Variants in MAP3K13 observed in about 807,000 individuals in gnomAD.
MAP3K13 encodes the protein mitogen-activated protein kinase kinase kinase 13, also known as leucine zipper-bearing kinase.
Under a neutral mutation model 104.0 loss-of-function variants are expected in MAP3K13, and 52 were observed. The ratio of observed to expected loss-of-function variants is 0.50; its 90% CI spans 0.40 to 0.63. The LOEUF (loss-of-function observed/expected upper bound fraction) is 0.63, where lower values mean the gene tolerates loss of function less well. MAP3K13 is among the 20% of genes least tolerant of loss of function. The pLI is 0.00. For synonymous variants in MAP3K13, 394 were observed against 442.2 expected, an observed-to-expected ratio of 0.89 and a Z score of 1.37; for missense variants, 914 against 1,218.5, an observed-to-expected ratio of 0.75 and a Z score of 3.72.
In MAP3K13 at chr3:185,428,739, G is replaced by A. The variant is rs35961174; in HGVS notation, c.158G>A (p.Arg53Gln). The change falls in exon 2 of 14, where the codon CGA (arginine) becomes CAA (glutamine). Residue 53 changes from arginine (R) to glutamine (Q), a missense_variant. Around this residue, in one of 3 missense-constraint regions of MAP3K13, gnomAD observed 156 missense variants for 159.8 expected, o/e 0.98. Coordinates refer to ENST00000265026, the MANE Select transcript of MAP3K13 (RefSeq NM_004721.5). ...GACCAGCAGGAAAAGGGGATGGTAC[G>A]AACAGAGCTAATCGAGAGCGTGCAC... ...LEDQQEKGMV[R>Q]TELIESVHSP... 1.5e-5 allele frequency: 25 copies of A among 1,614,152 alleles called. No homozygotes were observed. The East Asian group carries it at 2.5e-4, about 16-fold the overall frequency.
At chr3:185,373,358 C>CA (rs1724251163) in intron 1 of MAP3K13, among the ~76,000 whole-genome samples, 1 of 152,170 alleles carries the variant, frequency 6.6e-6, no homozygotes, top group Non-Finnish European at 1.5e-5. Context: ...AAAAACTACT[C>CA]AATGTTTTTC....
intron 1 of MAP3K13, among the ~76,000 whole-genome samples, chr3:185,373,855 C>G (rs1427264125): frequency 8.0e-6 from 1 of 125,002 alleles, no homozygotes; most frequent in African/African-American, 3.4e-5. Flanking sequence ...TTTTGAGCAA[C>G]AGCGGCTGTT....
intron 7 of MAP3K13, among the ~76,000 whole-genome samples, chr3:185,456,886 C>T (rs1716787088): frequency 6.6e-6 from 1 of 152,142 alleles, no homozygotes; most frequent in Admixed American, 6.5e-5. Context: ...CAGGTGTGAG[C>T]CACCGTGCAC....
At chr3:185,310,915 A>G (rs1014535450) in intron 2 of MAP3K13, among the ~76,000 whole-genome samples, 1 of 152,106 alleles carries the variant, frequency 6.6e-6, no homozygotes, top group African/African-American at 2.4e-5. Context: ...TTCAATATTC[A>G]CAGTGATAAG....
At chr3:185,469,607 C>T (rs975169838) in intron 10 of MAP3K13, among the ~76,000 whole-genome samples, 1 of 152,202 alleles carries the variant, frequency 6.6e-6, no homozygotes, top group Non-Finnish European at 1.5e-5. Flanking sequence ...CATGCTAAGA[C>T]AAGTCCTTAA....
rs1718804832 is a variant in MAP3K13, at chr3:185,488,061, T to C, written c.*5605T>C. The stretch of plus-strand genomic sequence containing the variant: ...CACTGATGGATCCCATTCCAAAATG[T>C]CTCTTCATTCACATCATTTAATTCT... On this transcript the variant is annotated 3_prime_UTR_variant, in exon 14 of 14. Transcript: ENST00000265026. 1 of 152,232 alleles carries C rather than the reference T, an allele frequency of 6.6e-6. No homozygotes were observed. The highest frequency in any genetic ancestry group is 1.9e-4 in the East Asian group (1 of 5,200). 9.4% of individuals were successfully genotyped at this position (152,232 alleles called of 1,614,324 possible). A position where few individuals can be genotyped will look rare whatever the true frequency, so the allele number is the denominator to read the frequency against.
intron 1 of MAP3K13, among the ~76,000 whole-genome samples, chr3:185,365,372 AAGTC>A (rs1440029038): frequency 3.3e-5 from 5 of 152,228 alleles, no homozygotes; most frequent in Non-Finnish European, 5.9e-5. Context: ...TTAGTAAACA[AAGTC>A]AGTCAAACCA....
intron 4 of MAP3K13, 47 bp from the exon 5 acceptor site, chr3:185,447,741 TC>T: frequency 7.1e-7 from 1 of 1,412,946 alleles, no homozygotes; most frequent in Non-Finnish European, 9.7e-7. Flanking sequence ...ATCATGGTTT[TC>T]GTTAGTACTA....
chr3:185,319,496 A>C (rs2108693102), intron 2 of MAP3K13, among the ~76,000 whole-genome samples: 1 of 152,362 alleles, frequency 6.6e-6, no homozygotes, highest in East Asian at 1.9e-4. Flanking sequence ...GCTGAGTTCC[A>C]TATCTGGGCA....
chr3:185,290,811 C>T (rs1720704816), intron 2 of MAP3K13, among the ~76,000 whole-genome samples: 1 of 152,088 alleles, frequency 6.6e-6, no homozygotes, highest in African/African-American at 2.4e-5. Flanking sequence ...TAAATATTAG[C>T]TGCTATTATT....
intron 1 of MAP3K13, among the ~76,000 whole-genome samples, chr3:185,375,157 T>C (rs900638772): frequency 1.3e-5 from 2 of 152,186 alleles, no homozygotes; most frequent in Non-Finnish European, 2.9e-5. Flanking sequence ...CGAGGAATTA[T>C]GTCTGACAGA....
chr3:185,428,012 G>C (rs1327737427), intron 1 of MAP3K13, among the ~76,000 whole-genome samples: 2 of 151,622 alleles, frequency 1.3e-5, no homozygotes, highest in African/African-American at 2.4e-5. Context: ...CTGGGAAGCG[G>C]AGGTTGCAGT....
At chr3:185,380,507 C>T (rs1286272496) in intron 1 of MAP3K13, among the ~76,000 whole-genome samples, 1 of 103,046 alleles carries the variant, frequency 9.7e-6, no homozygotes, top group Admixed American at 1.2e-4. Flanking sequence ...GAGACTCCAT[C>T]TCAAAAAAAA....
At chr3:185,310,413 ACCCAGAC>A (rs1453559196) in intron 2 of MAP3K13, among the ~76,000 whole-genome samples, 4 of 152,234 alleles carry the variant, frequency 2.6e-5, no homozygotes, top group Admixed American at 6.5e-5. Flanking sequence ...CAATCAACAG[ACCCAGAC>A]CCAGAGATGA....
chr3:185,439,729 CTTTT>C (rs1208160898), intron 3 of MAP3K13, among the ~76,000 whole-genome samples: 1 of 152,144 alleles, frequency 6.6e-6, no homozygotes, highest in Admixed American at 6.5e-5. Flanking sequence ...TACTTCCTTT[CTTTT>C]GCTTCTTTCT....
chr3:185,466,013 C>T (rs1717398402), intron 9 of MAP3K13, 150 bp downstream of exon 9: 1 of 636,854 alleles, frequency 1.6e-6, no homozygotes, highest in Non-Finnish European at 2.8e-6. Context: ...TGCACAGGTC[C>T]CTGCCCCTGG....
Position 185,488,270 on chromosome 3 carries a change from G to C in MAP3K13, c.*5814G>C, listed in dbSNP as rs1718815730. On this transcript the variant is annotated 3_prime_UTR_variant, in exon 14 of 14. Transcript: ENST00000265026. The stretch of plus-strand genomic sequence containing the variant: ...CCAGGCAGCAAAATGTTTCTTCTTT[G>C]CTGATTTCATAGGACAAATATCCTA... 1 of 152,168 alleles carries C rather than the reference G, an allele frequency of 6.6e-6. No homozygotes were observed. Among genetic ancestry groups the C allele is most frequent in the Non-Finnish European group, 1.5e-5 (1 of 68,048 alleles). The allele number at this position is 152,168 out of a possible 1,614,324, so 9.4% of individuals were successfully genotyped here.
At chr3:185,328,493 G>C (rs1010804080) in intron 2 of MAP3K13, 1 of 152,034 alleles carries the variant, frequency 6.6e-6, no homozygotes, top group African/African-American at 2.4e-5. Flanking sequence ...CAGGTGATCC[G>C]CCCGTCTCGG....
intron 2 of MAP3K13, among the ~76,000 whole-genome samples, chr3:185,352,296 T>C (rs1723165454): frequency 6.6e-6 from 1 of 151,918 alleles, no homozygotes; most frequent in Non-Finnish European, 1.5e-5. Flanking sequence ...AATACAAAAT[T>C]AGCCGGGTGT....
Sources: gnomAD v4.1 joint callset for allele counts (sites outside exome capture counted in the v4.1 genomes callset) on GRCh38, gnomAD v4.1.1 for gene constraint, gnomAD v4.1.1 regional missense constraint, MANE v1.5 for transcripts, NCBI Gene and HGNC (gene_info 2026-07-23, HGNC 2026-07-21) for gene names.